The following ACSS1 variants were observed in gnomAD, a reference collection of about 807,000 sequenced individuals.
The protein encoded by ACSS1 is acetyl-coenzyme A synthetase 2-like, mitochondrial.
A neutral mutation model predicts 75.3 loss-of-function variants in ACSS1; 42 were observed. That is an observed-to-expected ratio of 0.56 (90% CI 0.44 to 0.72). The LOEUF is 0.72. ACSS1 is among the 30% of genes least tolerant of loss of function. The pLI is 0.00. For missense variants in ACSS1, 782 were observed against 935.7 expected, an observed-to-expected ratio of 0.84 and a Z score of 2.14; for synonymous variants, 380 against 376.8, an observed-to-expected ratio of 1.01 and a Z score of -0.10.
At chr20:25,041,814 G>C (rs1245356001) in intron 2 of ACSS1, among the ~76,000 whole-genome samples, 1 of 152,240 alleles carries the variant, frequency 6.6e-6, no homozygotes, top group East Asian at 1.9e-4. Flanking sequence ...TCAGGGTGAA[G>C]ACCAGAGCCT....
intron 2 of ACSS1, among the ~76,000 whole-genome samples, chr20:25,034,967 A>G (rs548513088): frequency 3.8e-4 from 58 of 151,992 alleles, no homozygotes; most frequent in Admixed American, 1.1e-3. Flanking sequence ...ATCTCCACCC[A>G]CTGCAAGCTC....
chr20:25,047,369 G>C (rs1481672662), intron 2 of ACSS1, among the ~76,000 whole-genome samples: 1 of 148,264 alleles, frequency 6.7e-6, no homozygotes, highest in East Asian at 2.0e-4. Flanking sequence ...ACCTCAGCTG[G>C]AATGTTGCCT....
intron 2 of ACSS1, among the ~76,000 whole-genome samples, chr20:25,040,102 A>C (rs2088976302): frequency 6.6e-6 from 1 of 152,222 alleles, no homozygotes; most frequent in African/African-American, 2.4e-5. Context: ...GGAATTTGGA[A>C]AGGGGTGTAG....
At chr20:25,056,259 A>G (rs1363655613) in intron 1 of ACSS1, among the ~76,000 whole-genome samples, 1 of 152,164 alleles carries the variant, frequency 6.6e-6, no homozygotes, top group Non-Finnish European at 1.5e-5. Flanking sequence ...AGAGCAGGTC[A>G]CTTTCCACCT....
chr20:25,057,721 C>T (rs375284979), intron 1 of ACSS1, 48 bp downstream of exon 1: 2 of 1,502,256 alleles, frequency 1.3e-6, no homozygotes, highest in East Asian at 2.5e-5. Context: ...CGAGTCCCCT[C>T]GGGACCCAAG....
At chr20:25,021,795 A>T (rs890152621) in intron 5 of ACSS1, among the ~76,000 whole-genome samples, 3 of 152,216 alleles carry the variant, frequency 2.0e-5, no homozygotes, top group Admixed American at 6.5e-5. Context: ...AAATAAAAGC[A>T]AAAAAGGCCA....
chr20:25,038,481 A>G (rs1458415917), intron 2 of ACSS1, among the ~76,000 whole-genome samples: 1 of 152,194 alleles, frequency 6.6e-6, no homozygotes, highest in Non-Finnish European at 1.5e-5. Flanking sequence ...AAGACATGGG[A>G]AAAAGAGAAT....
At chr20:25,017,763 A>C (rs957092841) in intron 7 of ACSS1, among the ~76,000 whole-genome samples, 1 of 152,206 alleles carries the variant, frequency 6.6e-6, no homozygotes, top group African/African-American at 2.4e-5. Flanking sequence ...CCCTTCCTGA[A>C]ATGCACTTAG....
At chr20:25,044,899 C>T (rs1031148590) in intron 2 of ACSS1, among the ~76,000 whole-genome samples, 12 of 152,184 alleles carry the variant, frequency 7.9e-5, no homozygotes, top group African/African-American at 2.9e-4. Flanking sequence ...TGCACACGTC[C>T]CAGGCTGAGC....
chr20:25,012,522 A>C lies in ACSS1; in HGVS notation c.1771+79T>G, dbSNP rs1204869328. The C allele has an allele frequency of 3.9e-6, 6 of 1,531,280 alleles. No homozygotes were observed. In the African/African-American group the frequency reaches 8.2e-5, roughly 21 times the overall value. 94.9% of individuals were successfully genotyped at this position (1,531,280 alleles called of 1,614,324 possible). A position where few individuals can be genotyped will look rare whatever the true frequency, so the allele number is the denominator to read the frequency against. ...TATCCCCTATCACTCCACTCTCCAG[A>C]GTCTGCTCCTCGTACAGAGGTGCCC... On this transcript the variant is annotated intron_variant, in intron 12 of 13. Transcript: ENST00000323482.
intron 2 of ACSS1, among the ~76,000 whole-genome samples, chr20:25,039,136 C>A (rs1219105800): frequency 6.6e-6 from 1 of 152,190 alleles, no homozygotes; most frequent in Non-Finnish European, 1.5e-5. Flanking sequence ...ACCCACTTAA[C>A]CCTCACAACA....
rs765163864 is a variant in ACSS1, at chr20:25,057,802, C to G, written c.301G>C (p.Gly101Arg). ...WDCDFSTGKI[G>R]WFLGGQLNVS... is the part of the protein sequence containing the mutation. ...TTTAACTGGCCTCCCAGGAACCAGC[C>G]GATCTTGCCAGTGCTGAAGTCGCAG... Residue 101 changes from glycine to arginine, a missense_variant, in exon 1 of 14, where the codon GGC becomes CGC. Gly to Arg is a moderately radical substitution (Grantham distance 125). Transcript: ENST00000323482. 6.3e-7 allele frequency: 1 copy of G among 1,594,886 alleles called. No homozygotes were observed. Among genetic ancestry groups the G allele is most frequent in the Non-Finnish European group, 8.6e-7 (1 of 1,165,818 alleles).
At chr20:25,019,878 C>G in intron 7 of ACSS1, 132 bp downstream of exon 7, 1 of 1,333,344 alleles carries the variant, frequency 7.5e-7, no homozygotes, top group South Asian at 1.4e-5. Context: ...TCTACCAGAT[C>G]CGGTCTGGCA....
intron 2 of ACSS1, among the ~76,000 whole-genome samples, chr20:25,043,592 T>C (rs1226093536): frequency 6.6e-6 from 1 of 152,194 alleles, no homozygotes. Context: ...GGGGGAGGCC[T>C]GACATCCCCT....
intron 3 of ACSS1, among the ~76,000 whole-genome samples, chr20:25,026,432 C>T (rs933299954): frequency 3.3e-5 from 5 of 152,250 alleles, no homozygotes; most frequent in African/African-American, 1.2e-4. Flanking sequence ...CATGTGCTGC[C>T]ATGTGACAAG....
chr20:25,017,396 C>T (rs907662233), intron 7 of ACSS1, among the ~76,000 whole-genome samples: 3 of 152,230 alleles, frequency 2.0e-5, no homozygotes, highest in Non-Finnish European at 1.5e-5. Flanking sequence ...GCCAGCACAG[C>T]GCTGGCCCTG....
chr20:25,014,386 A>C (rs1337728622), intron 8 of ACSS1, among the ~76,000 whole-genome samples: 55 of 152,228 alleles, frequency 3.6e-4, no homozygotes, highest in South Asian at 6.2e-4. Context: ...GGAGAAAAAG[A>C]ACTGCTTCTG....
chr20:25,015,088 C>A (rs745317624), intron 8 of ACSS1, 50 bp downstream of exon 8: 4 of 1,528,354 alleles, frequency 2.6e-6, no homozygotes, highest in Non-Finnish European at 3.6e-6. Context: ...TCACACCTGA[C>A]CCTGCAGACC....
intron 1 of ACSS1, 68 bp downstream of exon 1, chr20:25,057,701 C>A: frequency 2.8e-6 from 4 of 1,442,900 alleles, no homozygotes; most frequent in East Asian, 2.5e-5. Context: ...CTGCCGCTGG[C>A]GAGAGGCTCC....
Sources: gnomAD v4.1 joint callset for allele counts (sites outside exome capture counted in the v4.1 genomes callset) on GRCh38, gnomAD v4.1.1 for gene constraint, MANE v1.5 for transcripts, NCBI Gene and HGNC (gene_info 2026-07-23, HGNC 2026-07-21) for gene names.